GON4L: variants seen among roughly 807,000 people sequenced by gnomAD.
GON4L encodes the protein gon-4 like.
A neutral mutation model predicts 211.8 loss-of-function variants in GON4L; 87 were observed. The observed-to-expected ratio is 0.41, with a 90% CI of 0.35 to 0.49. GON4L has a LOEUF of 0.49. Ranked by LOEUF, GON4L falls within the 20% of genes least tolerant of loss-of-function variation. The pLI, the probability that GON4L is intolerant of heterozygous loss-of-function variation, is 0.15. For synonymous variants in GON4L, 875 were observed against 962.6 expected, an observed-to-expected ratio of 0.91 and a Z score of 1.68; for missense variants, 2,155 against 2,659.5, an observed-to-expected ratio of 0.81 and a Z score of 4.17.
chr1:155,842,974 C>A (rs1240140912), intron 2 of GON4L, among the ~76,000 whole-genome samples: 2 of 152,190 alleles, frequency 1.3e-5, no homozygotes, highest in Non-Finnish European at 2.9e-5. Flanking sequence ...TAGCTAGGTA[C>A]ACCTGTCCCG....
chr1:155,766,142 G>A lies in GON4L; in HGVS notation c.3331C>T (p.Arg1111Ter). ...MLPSLAPSKF[R>*]KPYVRRRPSK... ...GGTCTCCGTCTCACATATGGCTTTCGAAACTTAGAAGGGGCAAGGGAGGGC... is the reference window on the plus strand; with the variant it reads ...GGTCTCCGTCTCACATATGGCTTTCAAAACTTAGAAGGGGCAAGGGAGGGC... Residue 1111 changes from arginine (R) to a stop codon, truncating the protein, a stop_gained, in exon 21 of 32, where the codon CGA (arginine) becomes TGA (stop). Coordinates refer to ENST00000368331, the MANE Select transcript of GON4L (RefSeq NM_001282860.2). LOFTEE classifies it high-confidence loss of function. The A allele has an allele frequency of 6.2e-7, 1 of 1,614,078 alleles. No individual in the cohort carries two copies. Among genetic ancestry groups the A allele is most frequent in the Non-Finnish European group, 8.5e-7 (1 of 1,180,014 alleles).
intron 3 of GON4L, 144 bp from the exon 4 acceptor site, chr1:155,822,620 C>T (rs963860194): frequency 2.7e-5 from 19 of 699,464 alleles, no homozygotes; most frequent in South Asian, 1.8e-4. Flanking sequence ...TATTATATGA[C>T]GGTATAACAA....
chr1:155,803,563 A>T (rs569814606), intron 11 of GON4L, among the ~76,000 whole-genome samples: 1 of 152,100 alleles, frequency 6.6e-6, no homozygotes, highest in Non-Finnish European at 1.5e-5. Context: ...GTTTCCATCC[A>T]AACTTTTATC....
chr1:155,778,394 G>A (rs2101858847), intron 14 of GON4L, among the ~76,000 whole-genome samples: 1 of 152,222 alleles, frequency 6.6e-6, no homozygotes, highest in Admixed American at 6.5e-5. Context: ...TGGGACTATA[G>A]GCACGTGCCA....
intron 27 of GON4L, among the ~76,000 whole-genome samples, chr1:155,755,937 C>T (rs1661128574): frequency 6.6e-6 from 1 of 151,332 alleles, no homozygotes; most frequent in Non-Finnish European, 1.5e-5. Flanking sequence ...GCAGTTTCTC[C>T]CCAGAAAAGA....
intron 9 of GON4L, among the ~76,000 whole-genome samples, chr1:155,814,077 C>T (rs1434227457): frequency 2.0e-5 from 3 of 152,138 alleles, no homozygotes; most frequent in Non-Finnish European, 2.9e-5. Flanking sequence ...TTAAAAAGCA[C>T]AGATATGAAA....
At chr1:155,784,680 C>A (rs1396317215) in intron 13 of GON4L, 8 of 167,278 alleles carry the variant, frequency 4.8e-5, no homozygotes, top group Admixed American at 4.5e-4. Flanking sequence ...CTGCACCCAG[C>A]CTCAAAATGA....
At position 155,766,661 on chromosome 1, in the gene GON4L, C is replaced by A. The variant is rs1240847808; in HGVS notation, c.2812G>T (p.Ala938Ser). 6.2e-7 allele frequency: 1 copy of A among 1,614,190 alleles called. No homozygotes were observed. The highest frequency in any genetic ancestry group is 8.5e-7 in the Non-Finnish European group (1 of 1,180,036). Reference protein sequence around the residue: ...QEELRHMADGAREVGNMTGTT... With the variant: ...QEELRHMADGSREVGNMTGTT... The stretch of plus-strand genomic sequence containing the variant: ...CCAGTCATATTTCCTACCTCTCTAG[C>A]ACCATCAGCCATGTGCCGCAGTTCT... Residue 938 changes from alanine to serine, a missense_variant, in exon 21 of 32, where the codon GCT (alanine) becomes TCT (serine). Physicochemically the swap from Ala to Ser is moderately conservative, Grantham distance 99 (BLOSUM62 1). This residue lies in a region of GON4L where 551 missense variants were observed against 854.0 expected (regional missense o/e 0.65). Transcript: ENST00000368331.
chr1:155,778,512 A>G (rs183801684), intron 14 of GON4L, among the ~76,000 whole-genome samples: 1 of 152,266 alleles, frequency 6.6e-6, no homozygotes, highest in East Asian at 1.9e-4. Context: ...CGGCTTCCCA[A>G]AGTGCTGGGA....
At chr1:155,759,487 T>C (rs919386328) in intron 24 of GON4L, among the ~76,000 whole-genome samples, 1 of 151,484 alleles carries the variant, frequency 6.6e-6, no homozygotes, top group African/African-American at 2.4e-5. Flanking sequence ...GGCAGGAAAA[T>C]CGCTTGAACC....
intron 25 of GON4L, among the ~76,000 whole-genome samples, chr1:155,757,687 G>GTA (rs1661341013): frequency 7.6e-6 from 1 of 132,102 alleles, no homozygotes; most frequent in Non-Finnish European, 1.6e-5. Context: ...AGATCAGACA[G>GTA]GCTCCGGTTT....
chr1:155,841,005 G>A (rs1024362226), intron 2 of GON4L, among the ~76,000 whole-genome samples: 1 of 152,206 alleles, frequency 6.6e-6, no homozygotes, highest in Non-Finnish European at 1.5e-5. Flanking sequence ...ATGGCACTCC[G>A]GCCTGGGCAA....
intron 19 of GON4L, among the ~76,000 whole-genome samples, chr1:155,768,175 C>T (rs1419780579): frequency 1.3e-5 from 2 of 151,826 alleles, no homozygotes; most frequent in Admixed American, 1.3e-4. Flanking sequence ...TGGTGGCACG[C>T]ACCTGTAATC....
chr1:155,766,360 C>T lies in GON4L; in HGVS notation c.3113G>A (p.Arg1038Gln), dbSNP rs780271452. The T allele has an allele frequency of 2.4e-5, 39 of 1,613,934 alleles. No homozygotes were observed. In the Admixed American group the frequency reaches 5.0e-4, roughly 21 times the overall value. ...SEAPPSKMVL[R>Q]IPHPIQPATV... ...GGCTGGCTGTATTGGGTGAGGAATCCGGAGCACCATTTTGCTCGGAGGGGC... is the reference window on the plus strand; with the variant it reads ...GGCTGGCTGTATTGGGTGAGGAATCTGGAGCACCATTTTGCTCGGAGGGGC... The change falls in exon 21 of 32, where the codon CGG becomes CAG. Residue 1038 changes from arginine to glutamine, a missense_variant. Transcript: ENST00000368331.
Position 155,795,067 on chromosome 1 carries a change from C to A in GON4L, c.1730G>T (p.Arg577Leu). Residue 577 changes from arginine to leucine, a missense_variant, in exon 12 of 32, where the codon CGG becomes CTG. Physicochemically the swap from Arg to Leu is moderately radical, Grantham distance 102. This residue lies in a region of GON4L where 551 missense variants were observed against 854.0 expected (regional missense o/e 0.65). Transcript: ENST00000368331. Reference protein sequence around the residue: ...EPDTEDFRTDRAVRITKKEVN... With the variant: ...EPDTEDFRTDLAVRITKKEVN... ...AGACTCACTGGTGATTCTCACTGCC[C>A]GGTCAGTCCGGAAATCCTCTGTGTC... 1 of 1,590,944 alleles carries A rather than the reference C, an allele frequency of 6.3e-7. No homozygotes were observed. Among genetic ancestry groups the A allele is most frequent in the Non-Finnish European group, 8.6e-7 (1 of 1,158,882 alleles).
At chr1:155,789,943 A>G (rs551387716) in intron 12 of GON4L, among the ~76,000 whole-genome samples, 1 of 151,908 alleles carries the variant, frequency 6.6e-6, no homozygotes, top group African/African-American at 2.4e-5. Context: ...TTTTTTATTT[A>G]TTTATTTGAG....
chr1:155,813,505 T>C (rs1218214545), intron 10 of GON4L, 129 bp downstream of exon 10: 1 of 754,996 alleles, frequency 1.3e-6, no homozygotes, highest in Non-Finnish European at 2.3e-6. Context: ...ACTAGCCAAA[T>C]ACAAAGTATC....
At chr1:155,761,528 C>T (rs763211927) in intron 23 of GON4L, among the ~76,000 whole-genome samples, 75 of 149,322 alleles carry the variant, frequency 5.0e-4, no homozygotes, top group Non-Finnish European at 9.8e-4. Context: ...CAGAGTGTCG[C>T]CCTGTCACCA....
In GON4L at chr1:155,777,773, A is replaced by G. The variant is rs1247853283; in HGVS notation, c.1940T>C (p.Val647Ala). Reference sequence around the variant, plus strand: ...CTTCAGCTGTTCAAATAGCTCCTTCACTGTCCGATGTTGTTCATTTAACAG... The same window carrying G: ...CTTCAGCTGTTCAAATAGCTCCTTCGCTGTCCGATGTTGTTCATTTAACAG... ...ANLLNEQHRT[V>A]KELFEQLKMK... is the part of the protein sequence containing the mutation. Residue 647 changes from valine (V) to alanine (A), a missense_variant, in exon 15 of 32, where the codon GTG becomes GCG. This residue lies in a region of GON4L where 551 missense variants were observed against 854.0 expected (regional missense o/e 0.65). Transcript: ENST00000368331. 1 of 1,613,374 alleles carries G rather than the reference A, an allele frequency of 6.2e-7. No homozygotes were observed. The highest frequency in any genetic ancestry group is 8.5e-7 in the Non-Finnish European group (1 of 1,179,418).
Sources: gnomAD v4.1 joint callset for allele counts (sites outside exome capture counted in the v4.1 genomes callset) on GRCh38, gnomAD v4.1.1 for gene constraint, gnomAD v4.1.1 regional missense constraint, MANE v1.5 for transcripts, NCBI Gene and HGNC (gene_info 2026-07-23, HGNC 2026-07-21) for gene names.